Variants in GRTP1 observed in about 807,000 individuals in gnomAD.
GRTP1 encodes growth hormone regulated TBC protein 1, also known as growth hormone-regulated TBC protein 1.
GRTP1 carries 56 observed loss-of-function variants against 38.1 expected under a neutral mutation model. The observed-to-expected ratio is 1.47, with a 90% CI of 1.19 to 1.84. The LOEUF is 1.84. Ranked by LOEUF, GRTP1 falls within the 40% of genes most tolerant of loss-of-function variation. The pLI, the probability that GRTP1 is intolerant of heterozygous loss-of-function variation, is 0.00. For synonymous variants in GRTP1, 217 were observed against 189.5 expected (o/e 1.14, Z -1.19); for missense variants, 506 against 453.9 (o/e 1.11, Z -1.04).
At chr13:113,330,650 GCCCAGGTGTGTGCATGGAAA>G (rs1595476102) in intron 5 of GRTP1, among the ~76,000 whole-genome samples, 6 of 6,126 alleles carry the variant, frequency 9.8e-4, no homozygotes, top group Non-Finnish European at 1.3e-3. Context: ...GTGCATGGGA[GCCCAGGTGTGTGCATGGAAA>G]CCCAGGTGTG....
intron 5 of GRTP1, among the ~76,000 whole-genome samples, chr13:113,333,874 T>TGTGTGTGTGTGTGTGC (rs33972835): frequency 2.7e-4 from 36 of 135,342 alleles, no homozygotes; most frequent in East Asian, 6.8e-4. Flanking sequence ...TGTGTGTGTG[T>TGTGTGTGTGTGTGTGC]CCGAGGCTGG....
At chr13:113,341,618 C>T (rs1288965041) in intron 5 of GRTP1, among the ~76,000 whole-genome samples, 2 of 152,022 alleles carry the variant, frequency 1.3e-5, no homozygotes, top group Non-Finnish European at 2.9e-5. Context: ...ATCAGTTTTC[C>T]CAAAGAACCA....
chr13:113,333,246 C>T (rs2042902305), intron 5 of GRTP1, among the ~76,000 whole-genome samples: 1 of 152,284 alleles, frequency 6.6e-6, no homozygotes. Context: ...ACCGAAGGGG[C>T]CCAAGGGTTC....
At chr13:113,332,727 C>G (rs56842989) in intron 5 of GRTP1, among the ~76,000 whole-genome samples, 1,610 of 152,364 alleles carry the variant, frequency 0.011, 35 homozygotes, top group African/African-American at 0.036. Context: ...CCAGAGTTTC[C>G]TGGAGAAACA....
intron 3 of GRTP1, among the ~76,000 whole-genome samples, chr13:113,353,354 G>A (rs574602625): frequency 6.6e-6 from 1 of 152,384 alleles, no homozygotes. Context: ...CGGCAGGAGA[G>A]CCCAGGGGTC....
At chr13:113,328,575 A>C (rs2042810193) in intron 5 of GRTP1, among the ~76,000 whole-genome samples, 1 of 152,212 alleles carries the variant, frequency 6.6e-6, no homozygotes, top group Non-Finnish European at 1.5e-5. Context: ...GCTGGAGTGC[A>C]GTGGTGCTAT....
intron 4 of GRTP1, among the ~76,000 whole-genome samples, chr13:113,345,333 GACC>G (rs974056072): frequency 1.2e-4 from 18 of 152,216 alleles, no homozygotes; most frequent in African/African-American, 3.9e-4. Flanking sequence ...TTATACCAAT[GACC>G]ACATTTTATA....
At chr13:113,334,891 C>T (rs1385438944) in intron 5 of GRTP1, among the ~76,000 whole-genome samples, 2 of 152,138 alleles carry the variant, frequency 1.3e-5, no homozygotes, top group Non-Finnish European at 2.9e-5. Context: ...GGCGCGATCT[C>T]GGCTCACTGC....
chr13:113,334,280 A>ACTGCCCCCCCCCCCCCCCCCCCCCCGCC (rs1202504022), intron 5 of GRTP1, among the ~76,000 whole-genome samples: 5 of 142,472 alleles, frequency 3.5e-5, no homozygotes, highest in Admixed American at 1.5e-4. Flanking sequence ...CACTGCCACG[A>ACTGCCCCCCCCCCCCCCCCCCCCCCGCC]CAGCCTCCCG....
chr13:113,324,222 A>C lies in GRTP1; in HGVS notation c.*266T>G. The C allele has an allele frequency of 2.4e-6, 1 of 417,934 alleles. No homozygotes were observed. The highest frequency in any genetic ancestry group is 7.7e-5 in the South Asian group (1 of 12,916). 25.9% of individuals were successfully genotyped at this position (417,934 alleles called of 1,614,324 possible). A position where few individuals can be genotyped will look rare whatever the true frequency, so the allele number is the denominator to read the frequency against. ...CACAGGTGTTGGCATACTTTATTAG[A>C]TACAAACCCACACTCACATTTTATA... On this transcript the variant is annotated 3_prime_UTR_variant, in exon 8 of 8. Coordinates refer to ENST00000375431, the MANE Select transcript of GRTP1 (RefSeq NM_024719.4).
At position 113,348,716 on chromosome 13, in the gene GRTP1, C is replaced by T. The variant is rs754725505; in HGVS notation, c.465+2133G>A. On this transcript the variant is annotated intron_variant, in intron 4 of 7. Coordinates refer to ENST00000375431, the MANE Select transcript of GRTP1 (RefSeq NM_024719.4). This position sits in a 1 kb window ranked among gnomAD's most constrained non-coding sequence, Gnocchi z 4.8. Reference sequence around the variant, plus strand: ...CAGAGATTGGAGTAGTGATGCCACCCGCCGAGGGGCACCCAGGACTGCCAG... The same window carrying T: ...CAGAGATTGGAGTAGTGATGCCACCTGCCGAGGGGCACCCAGGACTGCCAG... Among the ~76,000 whole-genome samples, 5 of 152,096 alleles carry T rather than the reference C, an allele frequency of 3.3e-5. No homozygotes were observed. Among genetic ancestry groups the T allele is most frequent in the Admixed American group, 1.3e-4 (2 of 15,264 alleles).
Position 113,342,484 on chromosome 13 carries a change from G to A in GRTP1, c.562+2379C>T, listed in dbSNP as rs542023612. On this transcript the variant is annotated intron_variant, in intron 5 of 7. Transcript: ENST00000375431. This position sits in a 1 kb window ranked among gnomAD's most constrained non-coding sequence, Gnocchi z 4.5. Reference sequence around the variant, plus strand: ...TGTGCCACTGCACTCCAGCCTGGGCGACAGAGCGAGACTCAGTCTCAAAAA... The same window carrying A: ...TGTGCCACTGCACTCCAGCCTGGGCAACAGAGCGAGACTCAGTCTCAAAAA... Among the ~76,000 whole-genome samples the A allele has an allele frequency of 2.6e-5, 4 of 151,910 alleles. No individual in the cohort carries two copies. Among genetic ancestry groups the A allele is most frequent in the African/African-American group, 7.2e-5 (3 of 41,414 alleles).
rs757865260 is a variant in GRTP1, at chr13:113,350,844, C to T, written c.465+5G>A. On this transcript the variant is annotated splice_donor_5th_base_variant and intron_variant, in intron 4 of 7. Transcript: ENST00000375431. ...CTCATGGCGTCAGAGGGTCCCGAGG[C>T]TCACCTGGCAGTAGCCCACTCCCTG... 2.6e-6 allele frequency: 4 copies of T among 1,563,642 alleles called. No individual in the cohort carries two copies. Among genetic ancestry groups the T allele is most frequent in the East Asian group, 4.6e-5 (2 of 43,696 alleles).
chr13:113,344,834 C>T lies in GRTP1; in HGVS notation c.562+29G>A, dbSNP rs184464600. 1,666 of 1,578,452 alleles carry T rather than the reference C, an allele frequency of 1.1e-3. 4 individuals carry two copies. The highest frequency in any genetic ancestry group is 1.2e-3 in the Non-Finnish European group (1,398 of 1,167,672). ...TGGCAGCACCAGAAACAGGACAGTT[C>T]GGGCATACCGCAGGAATTTTCAACA... is the stretch of plus-strand genomic sequence containing the variant. On this transcript the variant is annotated intron_variant, in intron 5 of 7. Transcript: ENST00000375431.
intron 5 of GRTP1, among the ~76,000 whole-genome samples, chr13:113,331,340 G>A (rs2042868486): frequency 6.6e-6 from 1 of 152,210 alleles, no homozygotes. Flanking sequence ...AGGGGCGGCT[G>A]CTACCAGGAT....
At chr13:113,363,093 C>T (rs1462559508) in intron 2 of GRTP1, among the ~76,000 whole-genome samples, 1 of 152,210 alleles carries the variant, frequency 6.6e-6, no homozygotes, top group African/African-American at 2.4e-5. Flanking sequence ...AAGCCTGGGG[C>T]GCCCCGGAGG....
At chr13:113,345,282 A>G (rs1031089413) in intron 4 of GRTP1, among the ~76,000 whole-genome samples, 1 of 152,272 alleles carries the variant, frequency 6.6e-6, no homozygotes, top group East Asian at 1.9e-4. Flanking sequence ...TAAAGAAATT[A>G]CTATATATCA....
At chr13:113,332,818 G>A (rs1040390487) in intron 5 of GRTP1, among the ~76,000 whole-genome samples, 4 of 152,166 alleles carry the variant, frequency 2.6e-5, no homozygotes, top group African/African-American at 9.7e-5. Flanking sequence ...AGCCGTCGGC[G>A]CCACATTCAC....
Position 113,328,062 on chromosome 13 carries a change from C to G in GRTP1, c.563-1971G>C, listed in dbSNP as rs921823284. On this transcript the variant is annotated intron_variant, in intron 5 of 7. Coordinates refer to ENST00000375431, the MANE Select transcript of GRTP1 (RefSeq NM_024719.4). ...GCAAGGTGGTTCCTCCCAGGCCCAG[C>G]CGGCGCAGCGGCTGCTCCCTGCAGA... is the stretch of plus-strand genomic sequence containing the variant. Among the ~76,000 whole-genome samples the G allele has an allele frequency of 5.3e-5, 8 of 152,334 alleles. No homozygotes were observed. The East Asian group carries it at 1.3e-3, about 26-fold the overall frequency.
Sources: gnomAD v4.1 joint callset for allele counts (sites outside exome capture counted in the v4.1 genomes callset) on GRCh38, gnomAD v4.1.1 for gene constraint, Gnocchi (gnomAD v3.1) non-coding constraint, MANE v1.5 for transcripts, NCBI Gene and HGNC (gene_info 2026-07-23, HGNC 2026-07-21) for gene names.